KIAA0319: variants seen among roughly 807,000 people sequenced by gnomAD.
The protein encoded by KIAA0319 is dyslexia-associated protein KIAA0319.
Under a neutral mutation model 108.4 loss-of-function variants are expected in KIAA0319, and 83 were observed. The observed-to-expected ratio is 0.77, with a 90% CI of 0.64 to 0.92. The LOEUF is 0.92. Ranked by LOEUF, KIAA0319 falls within the 40% of genes least tolerant of loss-of-function variation. The pLI, the probability that KIAA0319 is intolerant of heterozygous loss-of-function variation, is 0.00. For synonymous variants in KIAA0319, 484 were observed against 510.4 expected (o/e 0.95, Z 0.70); for missense variants, 1,195 against 1,322.4 (o/e 0.90, Z 1.49).
intron 1 of KIAA0319, 88 bp downstream of exon 1, chr6:24,645,648 G>A (rs1777517080): frequency 6.6e-6 from 1 of 152,190 alleles, no homozygotes; most frequent in African/African-American, 2.4e-5. Flanking sequence ...AGGGCGTCTC[G>A]ATTCTACTTT....
Position 24,601,178 on chromosome 6 carries a change from G to GT in KIAA0319, c.-76dup. 2 of 1,575,612 alleles carry GT rather than the reference G, an allele frequency of 1.3e-6. No individual in the cohort carries two copies. Among genetic ancestry groups the GT allele is most frequent in the Non-Finnish European group, 1.7e-6 (2 of 1,160,376 alleles). On this transcript the variant is annotated 5_prime_UTR_variant, in exon 2 of 21. Transcript: ENST00000378214. ...GAGTTTGGTGCAAGCTTCCTTTGAT[G>GT]TTTTTTAGGAGCCAGATTTGGCCTC...
chr6:24,566,913 G>A (rs550442056), intron 13 of KIAA0319, among the ~76,000 whole-genome samples, 165 bp from the exon 14 acceptor site: 2 of 152,256 alleles, frequency 1.3e-5, no homozygotes, highest in South Asian at 2.1e-4. Context: ...ATAAGATACA[G>A]ACTTCCTTAA....
chr6:24,550,296 C>T (rs913256598), intron 20 of KIAA0319, among the ~76,000 whole-genome samples: 1 of 152,242 alleles, frequency 6.6e-6, no homozygotes, highest in Non-Finnish European at 1.5e-5. Flanking sequence ...TCCCAGTCTC[C>T]AGGGCCTAAC....
In KIAA0319 at chr6:24,601,130, G is replaced by A; in HGVS notation, c.-27C>T. ...GTGCACCACACAGTGGGTGATGGCA[G>A]GCTTCTGAGGCGGCCCTGAAGAGAG... On this transcript the variant is annotated 5_prime_UTR_variant, in exon 2 of 21. Transcript: ENST00000378214. 5 of 1,613,108 alleles carry A rather than the reference G, an allele frequency of 3.1e-6. No homozygotes were observed. Among genetic ancestry groups the A allele is most frequent in the Non-Finnish European group, 4.2e-6 (5 of 1,179,528 alleles).
chr6:24,550,091 CACTA>C (rs1761245346), intron 20 of KIAA0319, among the ~76,000 whole-genome samples: 1 of 152,148 alleles, frequency 6.6e-6, no homozygotes, highest in Admixed American at 6.5e-5. Context: ...CAATGTATGC[CACTA>C]TTTGTTCTTC....
intron 1 of KIAA0319, among the ~76,000 whole-genome samples, chr6:24,610,926 TACATG>T (rs1439326846): frequency 6.6e-6 from 1 of 152,146 alleles, no homozygotes; most frequent in Non-Finnish European, 1.5e-5. Context: ...GAAGTACTAA[TACATG>T]CTAGAGCATG....
At chr6:24,565,472 A>T (rs1466639249) in intron 14 of KIAA0319, among the ~76,000 whole-genome samples, 1 of 150,400 alleles carries the variant, frequency 6.6e-6, no homozygotes, top group Non-Finnish European at 1.5e-5. Context: ...GGATTAGTTA[A>T]GGCTGGGCGC....
At chr6:24,623,779 T>C (rs1774293310) in intron 1 of KIAA0319, among the ~76,000 whole-genome samples, 1 of 152,058 alleles carries the variant, frequency 6.6e-6, no homozygotes, top group Non-Finnish European at 1.5e-5. Flanking sequence ...AAAGAGAAGA[T>C]CTGGAATGTT....
chr6:24,620,730 T>C (rs1209165827), intron 1 of KIAA0319, among the ~76,000 whole-genome samples: 1 of 152,214 alleles, frequency 6.6e-6, no homozygotes, highest in Non-Finnish European at 1.5e-5. Flanking sequence ...GAATTTATTT[T>C]CTCAAAGCTC....
At chr6:24,630,681 GTGTATATATA>G (rs1371825539) in intron 1 of KIAA0319, among the ~76,000 whole-genome samples, 2 of 51,992 alleles carry the variant, frequency 3.8e-5, no homozygotes, top group African/African-American at 1.9e-4. Flanking sequence ...GTGTGTATAT[GTGTATATATA>G]TATATATATA....
At chr6:24,638,139 C>A (rs1402813188) in intron 1 of KIAA0319, among the ~76,000 whole-genome samples, 3 of 151,756 alleles carry the variant, frequency 2.0e-5, no homozygotes, top group Non-Finnish European at 4.4e-5. Context: ...AAAAGAGTAT[C>A]AAAGAGACAG....
intron 1 of KIAA0319, among the ~76,000 whole-genome samples, chr6:24,601,983 A>G (rs1770689185): frequency 6.6e-6 from 1 of 150,976 alleles, no homozygotes; most frequent in South Asian, 2.1e-4. Flanking sequence ...AGCTAAAACT[A>G]TGAAATAATG....
intron 1 of KIAA0319, among the ~76,000 whole-genome samples, chr6:24,607,109 A>G (rs1373392251): frequency 1.3e-5 from 2 of 152,222 alleles, no homozygotes; most frequent in Admixed American, 1.3e-4. Flanking sequence ...TAATCCCAGC[A>G]CTTTGGGAGG....
At chr6:24,569,767 G>C in intron 12 of KIAA0319, 136 bp downstream of exon 12, 1 of 988,528 alleles carries the variant, frequency 1.0e-6, no homozygotes, top group Middle Eastern at 2.3e-4. Flanking sequence ...ATAACGCCCA[G>C]CCACTTCTAG....
chr6:24,628,596 G>A (rs1775054705), intron 1 of KIAA0319, among the ~76,000 whole-genome samples: 3 of 151,838 alleles, frequency 2.0e-5, no homozygotes, highest in Admixed American at 2.0e-4. Flanking sequence ...CTGTAACAAA[G>A]TACAGCAAAC....
chr6:24,580,887 A>G (rs774305027), intron 7 of KIAA0319, 39 bp downstream of exon 7: 2 of 1,358,606 alleles, frequency 1.5e-6, no homozygotes, highest in Non-Finnish European at 2.1e-6. Flanking sequence ...ATTGAGATAA[A>G]TATGTACAAC....
At chr6:24,584,376 A>C (rs1410161495) in intron 4 of KIAA0319, among the ~76,000 whole-genome samples, 1 of 150,092 alleles carries the variant, frequency 6.7e-6, no homozygotes, top group African/African-American at 2.5e-5. Flanking sequence ...CATTAGTTTC[A>C]CTTGTAAAAT....
Position 24,566,755 on chromosome 6 carries a change from C to T in KIAA0319, c.2141-7G>A. 6.3e-7 allele frequency: 1 copy of T among 1,595,942 alleles called. No individual in the cohort carries two copies. Among genetic ancestry groups the T allele is most frequent in the Non-Finnish European group, 8.5e-7 (1 of 1,173,012 alleles). ...CTGGGAGGACTATTATTTTCTAAGTCAAATATAGCAAAATGAAAGCAAAGA... is the reference window on the plus strand; with the variant it reads ...CTGGGAGGACTATTATTTTCTAAGTTAAATATAGCAAAATGAAAGCAAAGA... On this transcript the variant is annotated splice_region_variant and splice_polypyrimidine_tract_variant and intron_variant, in intron 13 of 20. Transcript: ENST00000378214.
At chr6:24,578,414 A>G (rs1260634076) in intron 8 of KIAA0319, among the ~76,000 whole-genome samples, 172 bp from the exon 9 acceptor site, 1 of 152,222 alleles carries the variant, frequency 6.6e-6, no homozygotes, top group African/African-American at 2.4e-5. Context: ...TCCCGAAATT[A>G]TATCACTATT....
Sources: gnomAD v4.1 joint callset for allele counts (sites outside exome capture counted in the v4.1 genomes callset) on GRCh38, gnomAD v4.1.1 for gene constraint, MANE v1.5 for transcripts, NCBI Gene and HGNC (gene_info 2026-07-23, HGNC 2026-07-21) for gene names.